Variants in TM2D1 observed in about 807,000 individuals in gnomAD.
TM2D1 encodes the protein TM2 domain-containing protein 1.
Under a neutral mutation model 28.4 loss-of-function variants are expected in TM2D1, and 15 were observed. The observed-to-expected ratio is 0.53, with a 90% CI of 0.35 to 0.81. The LOEUF (loss-of-function observed/expected upper bound fraction) is 0.81, where lower values mean the gene tolerates loss of function less well. Among genes scored for constraint, TM2D1 ranks in the 40% least tolerant of loss-of-function variants. The pLI is 0.01. For missense variants in TM2D1, 236 were observed against 254.9 expected, an observed-to-expected ratio of 0.93 and a Z score of 0.50; for synonymous variants, 93 against 96.2, an observed-to-expected ratio of 0.97 and a Z score of 0.20.
intron 5 of TM2D1, among the ~76,000 whole-genome samples, chr1:61,693,499 GTGCACAAGT>G (rs1644342895): frequency 6.6e-6 from 1 of 152,162 alleles, no homozygotes; most frequent in Admixed American, 6.5e-5. Flanking sequence ...CTAAGCATAT[GTGCACAAGT>G]ACCTTAGCCT....
chr1:61,703,875 G>A (rs1016512719), intron 3 of TM2D1, among the ~76,000 whole-genome samples: 2 of 150,920 alleles, frequency 1.3e-5, no homozygotes, highest in Admixed American at 1.3e-4. Context: ...TCCTGCCTCA[G>A]CTTCCTGAGT....
intron 4 of TM2D1, among the ~76,000 whole-genome samples, chr1:61,695,016 AC>A (rs906594678): frequency 1.3e-5 from 2 of 152,186 alleles, no homozygotes; most frequent in Non-Finnish European, 2.9e-5. Context: ...ACTGAAAAAA[AC>A]CTCAATATAA....
chr1:61,716,526 T>C (rs1001343647), intron 2 of TM2D1, among the ~76,000 whole-genome samples: 1 of 145,866 alleles, frequency 6.9e-6, no homozygotes, highest in Admixed American at 7.0e-5. Flanking sequence ...TGTATATAAT[T>C]ATATATGTGT....
intron 5 of TM2D1, chr1:61,686,733 A>C (rs1379876151): frequency 8.0e-6 from 7 of 871,456 alleles, no homozygotes; most frequent in Non-Finnish European, 9.6e-6. Flanking sequence ...TAAATGTGCC[A>C]ATTCTAACAT....
intron 2 of TM2D1, among the ~76,000 whole-genome samples, chr1:61,717,647 C>T (rs1644532022): frequency 1.3e-5 from 2 of 151,980 alleles, no homozygotes; most frequent in South Asian, 4.2e-4. Flanking sequence ...GATCACAGCT[C>T]ACTGTAGCCT....
At chr1:61,700,174 T>C (rs1416722259) in intron 4 of TM2D1, 21 of 1,526,006 alleles carry the variant, frequency 1.4e-5, no homozygotes, top group African/African-American at 2.8e-5. Flanking sequence ...ACAATTTTCC[T>C]ATCCATAAAA....
intron 3 of TM2D1, among the ~76,000 whole-genome samples, chr1:61,706,864 A>C (rs1412299603): frequency 2.0e-5 from 3 of 147,310 alleles, no homozygotes; most frequent in Non-Finnish European, 4.5e-5. Flanking sequence ...GAAAGAAAGA[A>C]ATAGTAAACT....
At position 61,694,711 on chromosome 1, in the gene TM2D1, G is replaced by A. The variant is rs1323787197; in HGVS notation, c.499C>T (p.Leu167Phe). 2.5e-6 allele frequency: 4 copies of A among 1,602,088 alleles called. No homozygotes were observed. Among genetic ancestry groups the A allele is most frequent in the Non-Finnish European group, 3.4e-6 (4 of 1,174,270 alleles). The change falls in exon 5 of 7, where the codon CTT becomes TTT. Residue 167 changes from leucine (L) to phenylalanine (F), a missense_variant. This residue lies in a region of TM2D1 where 64 missense variants were observed against 73.1 expected (regional missense o/e 0.88). Transcript: ENST00000606498. ...CGIGSLIDFI[L>F]ISMQIVGPSD... ...GAGAAACTTACCTGCATTGAAATAAGAATGAAATCAATTAGGCTCCCAATT... is the reference window on the plus strand; with the variant it reads ...GAGAAACTTACCTGCATTGAAATAAAAATGAAATCAATTAGGCTCCCAATT...
intron 3 of TM2D1, among the ~76,000 whole-genome samples, chr1:61,704,583 C>G (rs189441583): frequency 2.0e-5 from 3 of 151,994 alleles, no homozygotes; most frequent in Admixed American, 1.3e-4. Context: ...AGGTGCCCAC[C>G]ACCACTCCCG....
intron 1 of TM2D1, 79 bp from the exon 2 acceptor site, chr1:61,723,865 C>T (rs1644585856): frequency 3.1e-6 from 2 of 647,586 alleles, no homozygotes; most frequent in Admixed American, 2.8e-5. Flanking sequence ...ATATTATATA[C>T]TCATGTTGAT....
rs771258371 is a variant in TM2D1 at position 61,701,036 on chromosome 1, T to A, written c.348-11A>T. ...TAGGAATAGCCATTTCTGCAAAAAATTAAAATCTGAGTATCATATTTCCAA... is the reference window on the plus strand; with the variant it reads ...TAGGAATAGCCATTTCTGCAAAAAAATAAAATCTGAGTATCATATTTCCAA... On this transcript the variant is annotated splice_polypyrimidine_tract_variant and intron_variant, in intron 3 of 6. Transcript: ENST00000606498. 3.1e-6 allele frequency: 5 copies of A among 1,597,296 alleles called. No individual in the cohort carries two copies. The highest frequency in any genetic ancestry group is 4.3e-6 in the Non-Finnish European group (5 of 1,171,206).
intron 3 of TM2D1, among the ~76,000 whole-genome samples, chr1:61,707,127 C>T (rs1193979885): frequency 6.6e-6 from 1 of 151,550 alleles, no homozygotes; most frequent in Non-Finnish European, 1.5e-5. Context: ...TTGGGGCATG[C>T]ACCTCTAGTC....
Position 61,694,853 on chromosome 1 carries a change from T to TTATA in TM2D1, c.440-87_440-84dup, listed in dbSNP as rs10680868. On this transcript the variant is annotated intron_variant, in intron 4 of 6. Coordinates refer to ENST00000606498, the MANE Select transcript of TM2D1 (RefSeq NM_032027.3). ...TGCTCCATTTTCCAATAAACCATTA[T>TTATA]TATATATATATATCACACTCTTTAT... 5.4e-4 allele frequency: 348 copies of TTATA among 639,948 alleles called. 3 individuals are homozygous for TTATA. Among genetic ancestry groups the TTATA allele is most frequent in the Admixed American group, 2.0e-3 (59 of 30,116 alleles). 39.6% of individuals were successfully genotyped at this position (639,948 alleles called of 1,614,324 possible). A position where few individuals can be genotyped will look rare whatever the true frequency, so the allele number is the denominator to read the frequency against.
intron 5 of TM2D1, among the ~76,000 whole-genome samples, chr1:61,692,024 C>CAT (rs767181154): frequency 0.013 from 1,675 of 132,442 alleles, 10 homozygotes; most frequent in Non-Finnish European, 0.017. Context: ...TATGAATAAC[C>CAT]ATATATATAT....
chr1:61,704,271 AGAT>A (rs1035357698), intron 3 of TM2D1, among the ~76,000 whole-genome samples: 2 of 152,172 alleles, frequency 1.3e-5, no homozygotes, highest in African/African-American at 2.4e-5. Context: ...ATATATACAA[AGAT>A]GATGAGAGAA....
intron 5 of TM2D1, among the ~76,000 whole-genome samples, chr1:61,686,081 C>T (rs1020361001): frequency 6.6e-6 from 1 of 152,136 alleles, no homozygotes; most frequent in Non-Finnish European, 1.5e-5. Context: ...AAAGCTGTCT[C>T]TTTCTATAAC....
At chr1:61,688,044 C>T (rs77864156) in intron 5 of TM2D1, among the ~76,000 whole-genome samples, 2,562 of 152,304 alleles carry the variant, frequency 0.017, 25 homozygotes, top group Admixed American at 0.03. Flanking sequence ...AATTCCTACA[C>T]AGTGCCAGAA....
At chr1:61,691,932 A>AAAAAAATATATAT in intron 5 of TM2D1, among the ~76,000 whole-genome samples, 162 of 76,358 alleles carry the variant, frequency 2.1e-3, no homozygotes, top group Admixed American at 4.2e-3. Context: ...AAAAAAAAAA[A>AAAAAAATATATAT]ATATATATAT....
intron 5 of TM2D1, among the ~76,000 whole-genome samples, chr1:61,688,498 G>A (rs1644299060): frequency 6.6e-6 from 1 of 152,224 alleles, no homozygotes; most frequent in Non-Finnish European, 1.5e-5. Flanking sequence ...GCTGAGGCGG[G>A]CAGGTAACGA....
Sources: allele counts gnomAD v4.1 joint callset (sites outside exome capture counted in the v4.1 genomes callset), GRCh38; gene constraint gnomAD v4.1.1; regional missense constraint gnomAD v4.1.1; transcripts MANE v1.5; gene names NCBI Gene and HGNC (gene_info 2026-07-23, HGNC 2026-07-21).